The following PCSK5 variants were observed in gnomAD, a reference collection of about 807,000 sequenced individuals.
PCSK5 encodes proprotein convertase subtilisin/kexin type 5.
Under a neutral mutation model 233.2 loss-of-function variants are expected in PCSK5, and 129 were observed. That is an observed-to-expected ratio of 0.55 (90% confidence interval 0.48 to 0.64). PCSK5 has a LOEUF of 0.64. Ranked by LOEUF, PCSK5 falls within the 30% of genes least tolerant of loss-of-function variation. The pLI is 0.00. For synonymous variants in PCSK5, 825 were observed against 879.2 expected (o/e 0.94, Z 1.09); for missense variants, 2,076 against 2,430.1 (o/e 0.85, Z 3.06).
At position 76,310,523 on chromosome 9, in the gene PCSK5, C is replaced by T; in HGVS notation, c.3689-133C>T. On this transcript the variant is annotated intron_variant, in intron 29 of 37. Transcript: ENST00000674117. ...ACTCATCCTGGAGGACTTAGCATCA[C>T]TAGCAAATATTTTGGTAAGCCTGAA... The T allele has an allele frequency of 5.9e-6, 3 of 510,634 alleles. No individual in the cohort carries two copies. In the South Asian group the frequency reaches 1.4e-4, roughly 23 times the overall value. The allele number at this position is 510,634 out of a possible 1,614,324, so 31.6% of individuals were successfully genotyped here.
rs766925147 is a variant in PCSK5 at position 76,310,829 on chromosome 9, A to G, written c.3862A>G (p.Arg1288Gly). The change falls in exon 30 of 38, where the codon AGG (arginine) becomes GGG (glycine). Residue 1288 changes from arginine to glycine, a missense_variant. By Grantham distance (125) the Arg-to-Gly change is moderately radical. Transcript: ENST00000674117. ...CCACCCTCTCTTCCTCCATGAAGGC[A>G]GGTGCTACTCCAAGTGCCCGGAGTA... ...PGHPLFLHEG[R>G]CYSKCPEGSY... 1.2e-6 allele frequency: 2 copies of G among 1,607,136 alleles called. No individual in the cohort carries two copies. Among genetic ancestry groups the G allele is most frequent in the Non-Finnish European group, 1.7e-6 (2 of 1,177,584 alleles).
At chr9:76,273,373 G>A (rs1288316138) in intron 24 of PCSK5, among the ~76,000 whole-genome samples, 2 of 151,960 alleles carry the variant, frequency 1.3e-5, no homozygotes, top group South Asian at 2.1e-4. Flanking sequence ...TCTGAGCTAA[G>A]TATTGTACTA....
At chr9:76,056,750 A>G (rs558594920) in intron 5 of PCSK5, among the ~76,000 whole-genome samples, 160 of 152,316 alleles carry the variant, frequency 1.1e-3, no homozygotes, top group African/African-American at 3.7e-3. Context: ...TAGGGCTTTG[A>G]CAGTAATGAC....
chr9:75,910,144 G>A (rs953320821), intron 1 of PCSK5, among the ~76,000 whole-genome samples: 9 of 152,194 alleles, frequency 5.9e-5, no homozygotes, highest in Non-Finnish European at 1.5e-5. Flanking sequence ...GTGGAACCTA[G>A]TCCATCTCGA....
At chr9:76,065,891 A>G (rs1830269625) in intron 5 of PCSK5, among the ~76,000 whole-genome samples, 1 of 152,118 alleles carries the variant, frequency 6.6e-6, no homozygotes, top group South Asian at 2.1e-4. Context: ...TCCCAGCATT[A>G]TTTATGGAAG....
chr9:76,079,088 T>G (rs1238600493), intron 7 of PCSK5, among the ~76,000 whole-genome samples: 1 of 151,780 alleles, frequency 6.6e-6, no homozygotes, highest in Admixed American at 6.6e-5. Flanking sequence ...GTGTGGCTAG[T>G]GTGGATGGAT....
chr9:76,346,856 C>T (rs1341988332), intron 35 of PCSK5, among the ~76,000 whole-genome samples: 1 of 152,066 alleles, frequency 6.6e-6, no homozygotes, highest in Non-Finnish European at 1.5e-5. Context: ...AAATTACCAG[C>T]TAAATTATAT....
intron 11 of PCSK5, among the ~76,000 whole-genome samples, chr9:76,158,256 G>C (rs1469056161): frequency 1.3e-5 from 2 of 152,128 alleles, no homozygotes; most frequent in African/African-American, 2.4e-5. Context: ...CCTGTGGCTC[G>C]ATGAAGGTCT....
At chr9:75,932,938 AC>A (rs1823875981) in intron 2 of PCSK5, among the ~76,000 whole-genome samples, 1 of 152,138 alleles carries the variant, frequency 6.6e-6, no homozygotes, top group African/African-American at 2.4e-5. Context: ...ATAGACCCAC[AC>A]CATTGGCAGC....
At chr9:76,038,313 G>A (rs765879935) in intron 5 of PCSK5, among the ~76,000 whole-genome samples, 3 of 152,028 alleles carry the variant, frequency 2.0e-5, no homozygotes, top group South Asian at 2.1e-4. Context: ...TTGTTATTCC[G>A]CAGAGAAAGA....
chr9:76,002,678 TG>T (rs534865562), intron 3 of PCSK5, among the ~76,000 whole-genome samples: 2 of 152,138 alleles, frequency 1.3e-5, no homozygotes, highest in Non-Finnish European at 2.9e-5. Context: ...GAGATTGGGT[TG>T]TAAGTGATCA....
At chr9:76,189,788 G>A (rs10869726) in intron 20 of PCSK5, 42 bp downstream of exon 20, 125,923 of 1,011,794 alleles carry the variant, frequency 0.12, 8,646 homozygotes, top group African/African-American at 0.25. Flanking sequence ...AGCAAAGTAT[G>A]ATCTTTCTAC....
intron 2 of PCSK5, among the ~76,000 whole-genome samples, chr9:75,953,055 C>T (rs753117849): frequency 5.3e-5 from 8 of 152,196 alleles, no homozygotes; most frequent in South Asian, 2.1e-4. Context: ...ATATATATTA[C>T]GTTACATTGT....
intron 36 of PCSK5, among the ~76,000 whole-genome samples, chr9:76,352,635 T>C (rs1169084262): frequency 6.6e-6 from 1 of 152,126 alleles, no homozygotes; most frequent in Non-Finnish European, 1.5e-5. Context: ...CCCAAAGTGC[T>C]AGGATTACAG....
chr9:76,353,412 C>G (rs533566768), intron 36 of PCSK5, among the ~76,000 whole-genome samples: 1 of 152,240 alleles, frequency 6.6e-6, no homozygotes, highest in African/African-American at 2.4e-5. Context: ...ACCACAGAGG[C>G]CAAGCAGGTC....
intron 10 of PCSK5, among the ~76,000 whole-genome samples, chr9:76,138,124 G>A (rs1231539941): frequency 2.0e-5 from 3 of 152,106 alleles, no homozygotes; most frequent in Non-Finnish European, 4.4e-5. Context: ...GTTGAAGTGA[G>A]CGCAGAAAGT....
intron 7 of PCSK5, among the ~76,000 whole-genome samples, chr9:76,086,921 C>A (rs1470336067): frequency 6.6e-6 from 1 of 152,154 alleles, no homozygotes; most frequent in Non-Finnish European, 1.5e-5. Flanking sequence ...CCTGAATATA[C>A]AGAATATCTA....
chr9:76,144,999 C>T (rs1202075983), intron 10 of PCSK5, among the ~76,000 whole-genome samples: 2 of 152,102 alleles, frequency 1.3e-5, no homozygotes, highest in Non-Finnish European at 1.5e-5. Context: ...GTGGTGGGTG[C>T]CTGTAATCCC....
intron 1 of PCSK5, among the ~76,000 whole-genome samples, chr9:75,917,998 A>C (rs1013328781): frequency 1.8e-4 from 28 of 152,132 alleles, no homozygotes; most frequent in African/African-American, 4.8e-4. Context: ...TAGTTCTGAA[A>C]TTTTACTGGT....
Sources: allele counts gnomAD v4.1 joint callset (sites outside exome capture counted in the v4.1 genomes callset), GRCh38; gene constraint gnomAD v4.1.1; transcripts MANE v1.5; gene names NCBI Gene and HGNC (gene_info 2026-07-23, HGNC 2026-07-21).